Variants in HIBADH observed in about 807,000 individuals in gnomAD.
HIBADH encodes the protein 3-hydroxyisobutyrate dehydrogenase, mitochondrial.
Under a neutral mutation model 36.1 loss-of-function variants are expected in HIBADH, and 25 were observed. The ratio of observed to expected loss-of-function variants is 0.69; its 90% CI spans 0.50 to 0.97. The LOEUF is 0.97. Among genes scored for constraint, HIBADH ranks in the 50% least tolerant of loss-of-function variants. The pLI, the probability that HIBADH is intolerant of heterozygous loss-of-function variation, is 0.00. For missense variants in HIBADH, 421 were observed against 418.0 expected (o/e 1.01, Z -0.06); for synonymous variants, 160 against 149.5 (o/e 1.07, Z -0.51).
intron 4 of HIBADH, among the ~76,000 whole-genome samples, chr7:27,567,584 C>G (rs759923787): frequency 6.6e-6 from 1 of 152,124 alleles, no homozygotes; most frequent in Non-Finnish European, 1.5e-5. Flanking sequence ...TTCTGCATTA[C>G]AGTATTTGAA....
rs779715913 is a variant in HIBADH, at chr7:27,531,225, A to ATAGTT, written c.814_818dup (p.Tyr273Ter). 6.2e-7 allele frequency: 1 copy of ATAGTT among 1,613,896 alleles called. No homozygotes were observed. The highest frequency in any genetic ancestry group is 8.5e-7 in the Non-Finnish European group (1 of 1,179,902). On this transcript the variant is annotated stop_gained and frameshift_variant, in exon 7 of 8. Coordinates refer to ENST00000265395, the MANE Select transcript of HIBADH (RefSeq NM_152740.4). LOFTEE classifies it high-confidence loss of function. The stretch of plus-strand genomic sequence containing the variant: ...TGAGTGTTGTTCCAAATCCACCCTG[A>ATAGTT]TAGTTATTAGCCGAGGGAACGCCAT...
At position 27,622,360 on chromosome 7, in the gene HIBADH, A is replaced by G. The variant is rs372437090; in HGVS notation, c.484+7011T>C. Among the ~76,000 whole-genome samples the G allele has an allele frequency of 1.1e-4, 16 of 152,328 alleles. No homozygotes were observed. In the East Asian group the frequency reaches 1.9e-3, roughly 18 times the overall value. ...GGGATACAGCAAAAGCAGTACTAAG[A>G]GAGAAGTTTATAGCAATAAATGCCC... On this transcript the variant is annotated intron_variant, in intron 4 of 7. Transcript: ENST00000265395.
chr7:27,595,866 TG>T (rs1472134629), intron 4 of HIBADH, among the ~76,000 whole-genome samples: 3 of 152,016 alleles, frequency 2.0e-5, no homozygotes, highest in Non-Finnish European at 2.9e-5. Flanking sequence ...GGCTAATAAA[TG>T]TTCTTAAAAT....
chr7:27,654,679 T>C (rs1362413151), intron 1 of HIBADH, among the ~76,000 whole-genome samples: 7 of 130,770 alleles, frequency 5.4e-5, no homozygotes. Flanking sequence ...ATGATGGATA[T>C]GTTTACCATT....
chr7:27,649,905 T>C (rs1359937380), intron 1 of HIBADH, among the ~76,000 whole-genome samples: 1 of 151,562 alleles, frequency 6.6e-6, no homozygotes, highest in Non-Finnish European at 1.5e-5. Flanking sequence ...AAAAACCCAC[T>C]AACTTTTAAA....
intron 4 of HIBADH, among the ~76,000 whole-genome samples, chr7:27,611,439 AC>A (rs1179037872): frequency 6.6e-6 from 1 of 152,170 alleles, no homozygotes; most frequent in Non-Finnish European, 1.5e-5. Flanking sequence ...TTCATTATAG[AC>A]GAGAGCTGAT....
At chr7:27,589,897 C>T (rs1396872812) in intron 4 of HIBADH, among the ~76,000 whole-genome samples, 1 of 152,116 alleles carries the variant, frequency 6.6e-6, no homozygotes, top group Non-Finnish European at 1.5e-5. Flanking sequence ...TCCCATCACA[C>T]CAAACTGCCT....
At chr7:27,534,836 A>G (rs969246371) in intron 6 of HIBADH, among the ~76,000 whole-genome samples, 1 of 151,710 alleles carries the variant, frequency 6.6e-6, no homozygotes, top group Non-Finnish European at 1.5e-5. Context: ...GACACCTACT[A>G]TGTGCCAGAA....
In HIBADH at chr7:27,641,376, A is replaced by T. The variant is rs73284495; in HGVS notation, c.252+8097T>A. 2.5e-3 allele frequency among the ~76,000 whole-genome samples: 381 copies of T among 152,204 alleles called. 5 individuals carry two copies. The highest frequency in any genetic ancestry group is 8.9e-3 in the African/African-American group (370 of 41,522). ...CTTTGGCTCTCACTTCATCAGCTTG[A>T]CTTGATATAGTAACACAGAGGGAGG... On this transcript the variant is annotated intron_variant, in intron 2 of 7. Transcript: ENST00000265395.
intron 1 of HIBADH, 63 bp downstream of exon 1, chr7:27,662,635 G>C (rs1786447282): frequency 3.7e-6 from 4 of 1,068,304 alleles, no homozygotes; most frequent in Middle Eastern, 3.0e-4. Flanking sequence ...TTCTTCGGCC[G>C]TCTGGACAGA....
At chr7:27,565,386 A>G (rs1043141857) in intron 4 of HIBADH, among the ~76,000 whole-genome samples, 4 of 152,182 alleles carry the variant, frequency 2.6e-5, no homozygotes, top group African/African-American at 9.7e-5. Context: ...TAAGTAATAA[A>G]CTATCTTCTC....
chr7:27,528,535 CA>C (rs1783946725), intron 7 of HIBADH, among the ~76,000 whole-genome samples: 2 of 152,166 alleles, frequency 1.3e-5, no homozygotes, highest in Admixed American at 1.3e-4. Context: ...TCAAACCAGC[CA>C]AAACATTCCC....
At chr7:27,624,702 T>C (rs1785610802) in intron 4 of HIBADH, among the ~76,000 whole-genome samples, 1 of 152,206 alleles carries the variant, frequency 6.6e-6, no homozygotes, top group Non-Finnish European at 1.5e-5. Context: ...AGAATATGCA[T>C]TAAAGAACCA....
Position 27,525,994 on chromosome 7 carries a change from G to A in HIBADH, c.*220C>T, listed in dbSNP as rs1583552190. 9.0e-6 allele frequency: 3 copies of A among 332,806 alleles called. No homozygotes were observed. In the East Asian group the frequency reaches 1.5e-4, roughly 17 times the overall value. 20.6% of individuals were successfully genotyped at this position (332,806 alleles called of 1,614,324 possible). On this transcript the variant is annotated 3_prime_UTR_variant, in exon 8 of 8. Transcript: ENST00000265395. ...GTAAAAAGGTCAATTAAGCTAGTTAGCAGAGACTATCAGTGGCTTGCAGAA... is the reference window on the plus strand; with the variant it reads ...GTAAAAAGGTCAATTAAGCTAGTTAACAGAGACTATCAGTGGCTTGCAGAA...
At chr7:27,659,729 TAAACAAACAAAC>T (rs70974490) in intron 1 of HIBADH, among the ~76,000 whole-genome samples, 1 of 151,166 alleles carries the variant, frequency 6.6e-6, no homozygotes, top group African/African-American at 2.4e-5. Context: ...CCATCTCAAA[TAAACAAACAAAC>T]AAACAAACAA....
intron 2 of HIBADH, among the ~76,000 whole-genome samples, chr7:27,644,844 A>T (rs1230859547): frequency 2.0e-5 from 3 of 152,022 alleles, no homozygotes; most frequent in African/African-American, 7.2e-5. Context: ...CCCAGCGCTA[A>T]GCAACCACTG....
intron 1 of HIBADH, among the ~76,000 whole-genome samples, chr7:27,658,830 CTCTA>C (rs2128298217): frequency 6.6e-6 from 1 of 152,234 alleles, no homozygotes; most frequent in African/African-American, 2.4e-5. Context: ...GTCATAAGCA[CTCTA>C]TCTGCTTTAC....
rs759961315 is a variant in HIBADH at position 27,662,822 on chromosome 7, G to A, written c.-34C>T. 231 of 1,439,662 alleles carry A rather than the reference G, an allele frequency of 1.6e-4. No homozygotes were observed. Among genetic ancestry groups the A allele is most frequent in the Non-Finnish European group, 1.8e-4 (197 of 1,086,178 alleles). The allele number at this position is 1,439,662 out of a possible 1,614,324, so 89.2% of individuals were successfully genotyped here. ...CGCCCCTCTCCCCGCGGTGACCTCCGCCGCCTCCCGGAGGGCCCACAGACT... is the reference window on the plus strand; with the variant it reads ...CGCCCCTCTCCCCGCGGTGACCTCCACCGCCTCCCGGAGGGCCCACAGACT... On this transcript the variant is annotated 5_prime_UTR_variant, in exon 1 of 8. Coordinates refer to ENST00000265395, the MANE Select transcript of HIBADH (RefSeq NM_152740.4).
intron 4 of HIBADH, among the ~76,000 whole-genome samples, chr7:27,621,281 C>G (rs1172456954): frequency 2.0e-5 from 3 of 152,036 alleles, no homozygotes; most frequent in Non-Finnish European, 4.4e-5. Context: ...TTGGGGGCTT[C>G]AACACCCAAT....
Sources: gnomAD v4.1 joint callset for allele counts (sites outside exome capture counted in the v4.1 genomes callset) on GRCh38, gnomAD v4.1.1 for gene constraint, MANE v1.5 for transcripts, NCBI Gene and HGNC (gene_info 2026-07-23, HGNC 2026-07-21) for gene names.